The following COL28A1 variants were observed in gnomAD, a reference collection of about 807,000 sequenced individuals.
The protein encoded by COL28A1 is collagen type XXVIII alpha 1 chain.
A neutral mutation model predicts 150.2 loss-of-function variants in COL28A1; 161 were observed. The ratio of observed to expected loss-of-function variants is 1.07; its 90% CI spans 0.94 to 1.22. The LOEUF (loss-of-function observed/expected upper bound fraction) is 1.22. Among genes scored for constraint, COL28A1 ranks in the 50% most tolerant of loss-of-function variants. COL28A1 has a pLI of 0.00. For missense variants in COL28A1, 1,617 were observed against 1,388.3 expected, an observed-to-expected ratio of 1.16 and a Z score of -2.62; for synonymous variants, 552 against 469.7, an observed-to-expected ratio of 1.18 and a Z score of -2.26.
At chr7:7,526,107 T>C (rs1279435325) in intron 3 of COL28A1, among the ~76,000 whole-genome samples, 1 of 152,222 alleles carries the variant, frequency 6.6e-6, no homozygotes, top group African/African-American at 2.4e-5. Flanking sequence ...CTGTAGAACA[T>C]TTGGTTATGC....
At chr7:7,514,769 A>T (rs986316993) in intron 8 of COL28A1, among the ~76,000 whole-genome samples, 3 of 152,090 alleles carry the variant, frequency 2.0e-5, no homozygotes, top group African/African-American at 7.2e-5. Context: ...TCCCACCTCC[A>T]ACTCCTTCCA....
intron 27 of COL28A1, among the ~76,000 whole-genome samples, chr7:7,401,367 C>A (rs1231054075): frequency 1.3e-5 from 2 of 152,084 alleles, no homozygotes; most frequent in Admixed American, 6.6e-5. Context: ...AAATTTATAT[C>A]TCTTGTCCTG....
chr7:7,390,247 A>G (rs1026981627), intron 27 of COL28A1, among the ~76,000 whole-genome samples: 6 of 152,178 alleles, frequency 3.9e-5, no homozygotes, highest in Non-Finnish European at 8.8e-5. Flanking sequence ...CTATTGAGAC[A>G]ATCATGTGGT....
chr7:7,370,798 T>A lies in COL28A1; in HGVS notation c.2993A>T (p.Gln998Leu), dbSNP rs370241254. Residue 998 changes from glutamine (Q) to leucine (L), a missense_variant, in exon 33 of 35, where the codon CAA (glutamine) becomes CTA (leucine). Coordinates refer to ENST00000399429, the MANE Select transcript of COL28A1 (RefSeq NM_001037763.3). ...LVQIFGSSSPQPGFGMSGEEL... is the reference protein window; with the variant it reads ...LVQIFGSSSPLPGFGMSGEEL... ...TTCCCCTGACATCCCAAATCCAGGT[T>A]GAGGTGACGATGAACCAAAAATTTG... 3.6e-5 allele frequency: 58 copies of A among 1,613,626 alleles called. No individual in the cohort carries two copies. The highest frequency in any genetic ancestry group is 4.3e-5 in the Non-Finnish European group (51 of 1,179,732).
At chr7:7,514,122 T>C (rs980497072) in intron 8 of COL28A1, among the ~76,000 whole-genome samples, 2 of 152,186 alleles carry the variant, frequency 1.3e-5, no homozygotes, top group African/African-American at 4.8e-5. Flanking sequence ...AAAAAATATA[T>C]GTATAAAGCT....
At chr7:7,450,789 A>G (rs1307260525) in intron 18 of COL28A1, among the ~76,000 whole-genome samples, 1 of 152,200 alleles carries the variant, frequency 6.6e-6, no homozygotes, top group African/African-American at 2.4e-5. Context: ...ATCCACCATC[A>G]TGAAGATGAA....
At position 7,492,992 on chromosome 7, in the gene COL28A1, T is replaced by C. The variant is rs144253041; in HGVS notation, c.1027-2346A>G. Among the ~76,000 whole-genome samples the C allele has an allele frequency of 1.7e-3, 246 of 148,088 alleles. 1 individual carries two copies. The highest frequency in any genetic ancestry group is 5.8e-3 in the African/African-American group (238 of 40,790). Reference sequence around the variant, plus strand: ...TATGTAACATTATATATACCTGTTATATAATATATATACATATATAACAGG... The same window carrying C: ...TATGTAACATTATATATACCTGTTACATAATATATATACATATATAACAGG... On this transcript the variant is annotated intron_variant, in intron 11 of 34. Coordinates refer to ENST00000399429, the MANE Select transcript of COL28A1 (RefSeq NM_001037763.3).
At chr7:7,393,479 G>A (rs1004005233) in intron 27 of COL28A1, among the ~76,000 whole-genome samples, 1 of 152,254 alleles carries the variant, frequency 6.6e-6, no homozygotes, top group Non-Finnish European at 1.5e-5. Context: ...GAGCTTGAAC[G>A]CTGGGCTGGG....
upstream of COL28A1, among the ~76,000 whole-genome samples, chr7:7,537,221 G>C (rs1429375554): frequency 2.0e-5 from 3 of 152,138 alleles, no homozygotes; most frequent in Non-Finnish European, 4.4e-5. Flanking sequence ...CCCTGGACAG[G>C]ATGCAGTACT....
In COL28A1 at chr7:7,358,457, T is replaced by A; in HGVS notation, c.*176A>T. 3.8e-6 allele frequency: 2 copies of A among 527,920 alleles called. No individual in the cohort carries two copies. The highest frequency in any genetic ancestry group is 7.6e-5 in the South Asian group (2 of 26,188). 32.7% of individuals were successfully genotyped at this position (527,920 alleles called of 1,614,324 possible). Reference sequence around the variant, plus strand: ...AAACTTCTCAGAGCCTCAGCTTTCTTACCTATATAAGTGGTTAATAATATG... The same window carrying A: ...AAACTTCTCAGAGCCTCAGCTTTCTAACCTATATAAGTGGTTAATAATATG... On this transcript the variant is annotated 3_prime_UTR_variant, in exon 35 of 35. Coordinates refer to ENST00000399429, the MANE Select transcript of COL28A1 (RefSeq NM_001037763.3).
chr7:7,495,565 C>T (rs1235066372), intron 11 of COL28A1, among the ~76,000 whole-genome samples: 2 of 152,102 alleles, frequency 1.3e-5, no homozygotes, highest in African/African-American at 4.8e-5. Context: ...GGAAGGGCAC[C>T]AGAATCCCTC....
intron 28 of COL28A1, 24 bp from the exon 29 acceptor site, chr7:7,380,886 T>C (rs779887613): frequency 3.1e-6 from 5 of 1,589,354 alleles, no homozygotes; most frequent in African/African-American, 2.7e-5. Flanking sequence ...GGTAAAATGA[T>C]AGGTTCAGAA....
intron 27 of COL28A1, among the ~76,000 whole-genome samples, chr7:7,403,750 T>C (rs2128300420): frequency 6.6e-6 from 1 of 152,370 alleles, no homozygotes. Context: ...GGGACAGGAT[T>C]GCTACATATG....
intron 12 of COL28A1, among the ~76,000 whole-genome samples, chr7:7,490,220 A>C (rs1359967101): frequency 6.6e-6 from 1 of 152,092 alleles, no homozygotes; most frequent in African/African-American, 2.4e-5. Context: ...CTTTATGCTT[A>C]TTCAATGTGA....
At chr7:7,350,155 G>C in the COL28A1 span, among the ~76,000 whole-genome samples, 2 of 152,048 alleles carry the variant, frequency 1.3e-5, no homozygotes, top group African/African-American at 4.8e-5. Context: ...GAGAAGAGGA[G>C]GCCAATTTGG....
intron 27 of COL28A1, among the ~76,000 whole-genome samples, chr7:7,398,825 C>T (rs151236433): frequency 1.6e-4 from 24 of 152,296 alleles, no homozygotes; most frequent in Admixed American, 2.0e-4. Context: ...GCCATCTGCA[C>T]GATGCAGTCT....
chr7:7,375,724 G>A (rs144260879), intron 30 of COL28A1, among the ~76,000 whole-genome samples: 9 of 152,274 alleles, frequency 5.9e-5, no homozygotes, highest in Non-Finnish European at 1.2e-4. Flanking sequence ...AATTCAAATT[G>A]CAACTGCAGC....
intron 13 of COL28A1, among the ~76,000 whole-genome samples, chr7:7,487,389 C>T (rs1233607867): frequency 6.6e-6 from 1 of 152,012 alleles, no homozygotes; most frequent in Non-Finnish European, 1.5e-5. Context: ...ACCAGCCTGG[C>T]CAATATGGTG....
rs1292214980 is a variant in COL28A1 at position 7,530,898 on chromosome 7, C to CT, written c.681+449dup. On this transcript the variant is annotated intron_variant, in intron 3 of 34. Transcript: ENST00000399429. ...GAGACAGAGTCAAAAATACTCAGTC[C>CT]TTTAGAAGAGTAAGAGAGAATATGT... Among the ~76,000 whole-genome samples, 3 of 151,990 alleles carry CT rather than the reference C, an allele frequency of 2.0e-5. No individual in the cohort carries two copies. The East Asian group carries it at 5.8e-4, about 29-fold the overall frequency.
Sources: gnomAD v4.1 joint callset for allele counts (sites outside exome capture counted in the v4.1 genomes callset) on GRCh38, gnomAD v4.1.1 for gene constraint, MANE v1.5 for transcripts, NCBI Gene and HGNC (gene_info 2026-07-23, HGNC 2026-07-21) for gene names.